Variants in PEMT observed in about 807,000 individuals in gnomAD.
The protein encoded by PEMT is phosphatidylethanolamine N-methyltransferase.
PEMT carries 23 observed loss-of-function variants against 27.4 expected under a neutral mutation model. That is an observed-to-expected ratio of 0.84 (90% CI 0.60 to 1.19). The LOEUF (loss-of-function observed/expected upper bound fraction) is 1.19, where lower values mean the gene tolerates loss of function less well. PEMT is among the 50% of genes most tolerant of loss of function. PEMT has a pLI of 0.00. For synonymous variants in PEMT, 137 were observed against 139.1 expected (o/e 0.98, Z 0.11); for missense variants, 307 against 310.1 (o/e 0.99, Z 0.07).
At chr17:17,592,096 C>G (rs1597976321), upstream of PEMT, 2 of 985,118 alleles carry the variant, frequency 2.0e-6, no homozygotes, top group Middle Eastern at 5.2e-4. Flanking sequence ...GCCCAGGGCC[C>G]CACACGCCCA....
chr17:17,524,600 C>CA (rs35917481), intron 2 of PEMT, among the ~76,000 whole-genome samples: 149 of 129,342 alleles, frequency 1.2e-3, no homozygotes, highest in Admixed American at 1.5e-3. Flanking sequence ...CCTGTCTCTC[C>CA]AAAAAAAAAA....
intron 4 of PEMT, among the ~76,000 whole-genome samples, chr17:17,511,238 C>T (rs915633594): frequency 2.0e-5 from 3 of 152,280 alleles, no homozygotes; most frequent in Admixed American, 1.3e-4. Flanking sequence ...CCTACCTGCC[C>T]GCACCTGCCC....
At position 17,506,816 on chromosome 17, in the gene PEMT, G is replaced by A. The variant is rs934177668; in HGVS notation, c.579-515C>T. ...GCCACAGGTGCAACCCCATGGCCACGCCCTGGGAGGATCTGGCTGTGGGGA... is the reference window on the plus strand; with the variant it reads ...GCCACAGGTGCAACCCCATGGCCACACCCTGGGAGGATCTGGCTGTGGGGA... On this transcript the variant is annotated intron_variant, in intron 5 of 6. Coordinates refer to ENST00000255389, the MANE Select transcript of PEMT (RefSeq NM_148172.3). Among the ~76,000 whole-genome samples, 9 of 152,316 alleles carry A rather than the reference G, an allele frequency of 5.9e-5. No homozygotes were observed. The South Asian group carries it at 1.2e-3, about 21-fold the overall frequency.
chr17:17,546,083 T>C (rs1909242770), intron 2 of PEMT, among the ~76,000 whole-genome samples: 1 of 152,206 alleles, frequency 6.6e-6, no homozygotes. Context: ...TCTTATGTCC[T>C]CAAGCAGCCT....
intron 2 of PEMT, among the ~76,000 whole-genome samples, chr17:17,544,196 G>A (rs1257320870): frequency 6.6e-6 from 1 of 152,062 alleles, no homozygotes; most frequent in East Asian, 1.9e-4. Flanking sequence ...AAGGAAACAA[G>A]AACATGGAGG....
chr17:17,525,880 G>A (rs562266830), intron 2 of PEMT, among the ~76,000 whole-genome samples: 42 of 152,298 alleles, frequency 2.8e-4, no homozygotes, highest in Non-Finnish European at 5.7e-4. Flanking sequence ...TGTAGTCCCA[G>A]CTACTCAGGA....
intron 2 of PEMT, among the ~76,000 whole-genome samples, chr17:17,533,990 G>A (rs1908285472): frequency 6.6e-6 from 1 of 152,010 alleles, no homozygotes; most frequent in Non-Finnish European, 1.5e-5. Context: ...CCTCGGCCTC[G>A]CAAGGGATTA....
At chr17:17,532,335 G>A (rs531379448) in intron 2 of PEMT, among the ~76,000 whole-genome samples, 8 of 152,254 alleles carry the variant, frequency 5.3e-5, no homozygotes, top group African/African-American at 1.9e-4. Context: ...GCTAATAAAT[G>A]AGTTTAGCAA....
chr17:17,590,143 C>T (rs1430212851), intron 1 of PEMT, among the ~76,000 whole-genome samples: 2 of 152,070 alleles, frequency 1.3e-5, no homozygotes, highest in African/African-American at 4.8e-5. Flanking sequence ...TGAGGATTAA[C>T]AGATACAGGT....
At position 17,506,271 on chromosome 17, in the gene PEMT, C is replaced by T. The variant is rs780309322; in HGVS notation, c.609G>A (p.Thr203=). 6.7e-5 allele frequency: 107 copies of T among 1,586,214 alleles called. No individual in the cohort carries two copies. The highest frequency in any genetic ancestry group is 1.7e-4 in the Middle Eastern group (1 of 6,048). The change falls in exon 6 of 7, where the codon ACG becomes ACA. Residue 203 remains threonine, a synonymous_variant. Transcript: ENST00000255389. The part of the protein sequence containing the change: ...MHASPTGLLL[T]VLVALTYIVA... ...CTATGTAGGTGAGGGCCACCAGCAC[C>T]GTCAGGAGCAGGCCCGTGGGGCTGG...
At chr17:17,562,493 T>G (rs1190528431) in intron 2 of PEMT, among the ~76,000 whole-genome samples, 1 of 152,216 alleles carries the variant, frequency 6.6e-6, no homozygotes, top group African/African-American at 2.4e-5. Flanking sequence ...CAAAGGCTGT[T>G]GGGGAACATG....
At chr17:17,519,450 C>T (rs922837909) in intron 3 of PEMT, among the ~76,000 whole-genome samples, 2 of 152,298 alleles carry the variant, frequency 1.3e-5, no homozygotes, top group African/African-American at 4.8e-5. Context: ...TGGGAGCCAC[C>T]ATCTGTAAGA....
At chr17:17,518,131 G>A (rs1382962807) in intron 3 of PEMT, 6 of 985,344 alleles carry the variant, frequency 6.1e-6, no homozygotes, top group South Asian at 4.7e-5. Flanking sequence ...TCCGATGTGC[G>A]CTGGAGCACA....
intron 2 of PEMT, among the ~76,000 whole-genome samples, chr17:17,533,529 A>G (rs1163489803): frequency 6.6e-6 from 1 of 152,266 alleles, no homozygotes; most frequent in African/African-American, 2.4e-5. Context: ...TCTATCATGA[A>G]AATACAAAGA....
chr17:17,519,851 G>A (rs936282396), intron 3 of PEMT, among the ~76,000 whole-genome samples: 15 of 152,336 alleles, frequency 9.8e-5, no homozygotes, highest in Admixed American at 6.5e-4. Flanking sequence ...CTGGCAGGAG[G>A]GGCTCCATCA....
intron 1 of PEMT, among the ~76,000 whole-genome samples, chr17:17,581,079 C>A (rs998710460): frequency 1.3e-5 from 2 of 152,174 alleles, no homozygotes; most frequent in African/African-American, 4.8e-5. Context: ...GGGCATTTTC[C>A]AGGGCCAGGA....
chr17:17,518,740 C>G (rs552456389), intron 3 of PEMT, among the ~76,000 whole-genome samples: 2 of 152,278 alleles, frequency 1.3e-5, no homozygotes, highest in East Asian at 3.9e-4. Flanking sequence ...TTGAGCACAG[C>G]CTGGACCCCA....
chr17:17,509,346 G>C (rs1906161821), intron 5 of PEMT, 88 bp downstream of exon 5: 1 of 818,060 alleles, frequency 1.2e-6, no homozygotes, highest in African/African-American at 1.7e-5. Flanking sequence ...TCTCTCTCCA[G>C]GGGCCCTGGC....
intron 2 of PEMT, among the ~76,000 whole-genome samples, chr17:17,537,173 TG>T (rs1354506106): frequency 6.6e-6 from 1 of 152,194 alleles, no homozygotes; most frequent in African/African-American, 2.4e-5. Flanking sequence ...GTCCTGAATG[TG>T]GGGCTGCTGC....
Sources: gnomAD v4.1 joint callset for allele counts (sites outside exome capture counted in the v4.1 genomes callset) on GRCh38, gnomAD v4.1.1 for gene constraint, MANE v1.5 for transcripts, NCBI Gene and HGNC (gene_info 2026-07-23, HGNC 2026-07-21) for gene names.